ZNF280D: variants seen among roughly 807,000 people sequenced by gnomAD.
The protein encoded by ZNF280D is suppressor of hairy wing homolog 4.
A neutral mutation model predicts 94.7 loss-of-function variants in ZNF280D; 39 were observed. The observed-to-expected ratio is 0.41, with a 90% CI of 0.32 to 0.54. The LOEUF (loss-of-function observed/expected upper bound fraction) is 0.54, where lower values mean the gene tolerates loss of function less well. ZNF280D is among the 20% of genes least tolerant of loss of function. The pLI, the probability that ZNF280D is intolerant of heterozygous loss-of-function variation, is 0.22. For synonymous variants in ZNF280D, 398 were observed against 377.6 expected (o/e 1.05, Z -0.63); for missense variants, 1,090 against 1,149.3 (o/e 0.95, Z 0.75).
chr15:56,695,702 G>A (rs372282537), intron 6 of ZNF280D, among the ~76,000 whole-genome samples: 2 of 151,682 alleles, frequency 1.3e-5, no homozygotes, highest in South Asian at 2.1e-4. Flanking sequence ...GCTAATTTTC[G>A]TATTTTTAAT....
intron 1 of ZNF280D, among the ~76,000 whole-genome samples, chr15:56,720,969 T>TG (rs2058322518): frequency 1.8e-4 from 2 of 11,054 alleles, no homozygotes; most frequent in African/African-American, 2.2e-4. Flanking sequence ...AGCATTTTTT[T>TG]TGGGGGGGGG....
At chr15:56,667,861 T>C (rs115747335) in intron 14 of ZNF280D, 173 of 173,980 alleles carry the variant, frequency 9.9e-4, no homozygotes, top group African/African-American at 4.0e-3. Flanking sequence ...GATTGTGGTA[T>C]GAATTAGACA....
chr15:56,654,982 C>G, intron 17 of ZNF280D: 1 of 219,482 alleles, frequency 4.6e-6, no homozygotes, highest in Non-Finnish European at 9.6e-6. Context: ...TACTTAGAAT[C>G]TGGTGTTTTA....
rs74807552 is a variant in ZNF280D at position 56,658,844 on chromosome 15, T to C, written c.1995-358A>G. Among the ~76,000 whole-genome samples, 977 of 152,310 alleles carry C rather than the reference T, an allele frequency of 6.4e-3. 11 individuals carry two copies. The highest frequency in any genetic ancestry group is 0.022 in the African/African-American group (934 of 41,574). ...AAATTTTTGTTAATAACACGTGTGC[T>C]ACAATATGAAGTTATTAATAGTAAT... On this transcript the variant is annotated intron_variant, in intron 16 of 21. Coordinates refer to ENST00000267807, the MANE Select transcript of ZNF280D (RefSeq NM_017661.4).
At chr15:56,648,637 C>T (rs940410353) in intron 19 of ZNF280D, among the ~76,000 whole-genome samples, 26 of 152,242 alleles carry the variant, frequency 1.7e-4, no homozygotes, top group African/African-American at 6.3e-4. Flanking sequence ...ATCTGTATCT[C>T]AGTTGTCTCA....
At chr15:56,673,098 G>A (rs1043081345) in intron 13 of ZNF280D, among the ~76,000 whole-genome samples, 4 of 151,956 alleles carry the variant, frequency 2.6e-5, no homozygotes, top group Admixed American at 1.3e-4. Flanking sequence ...TGAGTTCCCA[G>A]AAATCTTTTC....
rs1434767256 is a variant in ZNF280D, at chr15:56,731,965, T to C, written c.-86+1493A>G. ...TGAGAGGTCAGCTTGAGCCCAGGAG[T>C]CTGAGACCAGCCTGGGCAACATAAC... is the stretch of plus-strand genomic sequence containing the variant. On this transcript the variant is annotated intron_variant, in intron 1 of 21. Transcript: ENST00000267807. Among the ~76,000 whole-genome samples, 9 of 151,788 alleles carry C rather than the reference T, an allele frequency of 5.9e-5. No homozygotes were observed. The South Asian group carries it at 1.7e-3, about 28-fold the overall frequency.
At chr15:56,668,745 C>A in intron 14 of ZNF280D, 78 bp downstream of exon 14, 1 of 1,288,972 alleles carries the variant, frequency 7.8e-7, no homozygotes, top group Non-Finnish European at 1.0e-6. Context: ...TTTAAAAATA[C>A]ATTCAATATA....
intron 13 of ZNF280D, 44 bp from the exon 14 acceptor site, chr15:56,669,001 A>G (rs1280827728): frequency 6.4e-7 from 1 of 1,569,438 alleles, no homozygotes; most frequent in East Asian, 2.3e-5. Context: ...TAATTTCAAA[A>G]ACTACAAATC....
chr15:56,664,765 A>G (rs947554213), intron 16 of ZNF280D, among the ~76,000 whole-genome samples: 2 of 152,224 alleles, frequency 1.3e-5, no homozygotes, highest in Non-Finnish European at 2.9e-5. Context: ...GGACCATTTG[A>G]TAGTCTAGAA....
chr15:56,678,653 T>C lies in ZNF280D; in HGVS notation c.1162+11A>G, dbSNP rs1261137947. On this transcript the variant is annotated intron_variant, in intron 11 of 21. Coordinates refer to ENST00000267807, the MANE Select transcript of ZNF280D (RefSeq NM_017661.4). ...AATAATATGGAATATTTAAATGTAT[T>C]GGTAACTTACTAGAAAATTCATGGG... is the stretch of plus-strand genomic sequence containing the variant. The C allele has an allele frequency of 6.4e-7, 1 of 1,571,402 alleles. No individual in the cohort carries two copies. Among genetic ancestry groups the C allele is most frequent in the East Asian group, 2.3e-5 (1 of 43,728 alleles).
intron 3 of ZNF280D, among the ~76,000 whole-genome samples, chr15:56,706,096 C>T (rs1178688941): frequency 7.6e-6 from 1 of 131,576 alleles, no homozygotes; most frequent in African/African-American, 2.9e-5. Context: ...AGGGTGGGCC[C>T]TAATCTAGTA....
At chr15:56,676,895 TTTG>T in intron 12 of ZNF280D, 79 bp from the exon 13 acceptor site, 1 of 1,140,944 alleles carries the variant, frequency 8.8e-7, no homozygotes, top group South Asian at 1.5e-5. Flanking sequence ...TGATGGATAA[TTTG>T]TCAGGAGAAC....
intron 1 of ZNF280D, among the ~76,000 whole-genome samples, chr15:56,714,783 T>C (rs1321127658): frequency 1.3e-5 from 2 of 152,184 alleles, no homozygotes; most frequent in Admixed American, 6.5e-5. Flanking sequence ...TTCTCCAAGT[T>C]AGTGAGCTCA....
chr15:56,689,069 A>C lies in ZNF280D; in HGVS notation c.752T>G (p.Leu251Arg). ...CATGTGATTTTTCAAAGGATCCAAA[A>C]GATTGAAATGAATGTTGCACTTTGG... Reference protein sequence around the residue: ...ACPKCNIHFNLLDPLKNHMKY... With the variant: ...ACPKCNIHFNRLDPLKNHMKY... The change falls in exon 9 of 22, where the codon CTT becomes CGT. Residue 251 changes from leucine (L) to arginine (R), a missense_variant. By Grantham distance (102) the Leu-to-Arg change is moderately radical (BLOSUM62 -2). Transcript: ENST00000267807. 2.5e-6 allele frequency: 4 copies of C among 1,607,422 alleles called. No individual in the cohort carries two copies. The highest frequency in any genetic ancestry group is 3.4e-6 in the Non-Finnish European group (4 of 1,177,648).
chr15:56,657,075 C>T (rs1446547158), intron 17 of ZNF280D, among the ~76,000 whole-genome samples: 1 of 152,120 alleles, frequency 6.6e-6, no homozygotes, highest in African/African-American at 2.4e-5. Flanking sequence ...TAAGTATTCG[C>T]TAAACTTATC....
Position 56,700,914 on chromosome 15 carries a change from T to C in ZNF280D, c.381+19A>G, listed in dbSNP as rs2057024294. ...CCAATGGATCCCTGAGCTGGCCGTA[T>C]AGTTTTAGAAACACTTACAGGTTTA... is the stretch of plus-strand genomic sequence containing the variant. On this transcript the variant is annotated intron_variant, in intron 6 of 21. Transcript: ENST00000267807. The C allele has an allele frequency of 3.1e-6, 5 of 1,613,830 alleles. No homozygotes were observed. Among genetic ancestry groups the C allele is most frequent in the Non-Finnish European group, 4.2e-6 (5 of 1,179,810 alleles).
chr15:56,702,505 A>C (rs1422580999), intron 4 of ZNF280D, among the ~76,000 whole-genome samples: 1 of 152,188 alleles, frequency 6.6e-6, no homozygotes, highest in Non-Finnish European at 1.5e-5. Flanking sequence ...ATTATTTTAA[A>C]ACTAATGTAC....
intron 1 of ZNF280D, among the ~76,000 whole-genome samples, chr15:56,724,108 A>T (rs1356927132): frequency 6.6e-6 from 1 of 152,174 alleles, no homozygotes; most frequent in Non-Finnish European, 1.5e-5. Flanking sequence ...AAAGATCAAA[A>T]TTCAAAACTT....
Sources: gnomAD v4.1 joint callset for allele counts (sites outside exome capture counted in the v4.1 genomes callset) on GRCh38, gnomAD v4.1.1 for gene constraint, MANE v1.5 for transcripts, NCBI Gene and HGNC (gene_info 2026-07-23, HGNC 2026-07-21) for gene names.